Variants in ACYP2 observed in about 807,000 individuals in gnomAD.
ACYP2 encodes acylphosphatase-2.
ACYP2 carries 12 observed loss-of-function variants against 11.2 expected under a neutral mutation model. The observed-to-expected ratio is 1.08, with a 90% CI of 0.69 to 1.74. The LOEUF is 1.74. Ranked by LOEUF, ACYP2 falls within the 40% of genes most tolerant of loss-of-function variation. The pLI, the probability that ACYP2 is intolerant of heterozygous loss-of-function variation, is 0.00. For missense variants in ACYP2, 134 were observed against 101.9 expected (o/e 1.31, Z -1.35); for synonymous variants, 43 against 32.2 (o/e 1.33, Z -1.13).
intron 6 of ACYP2, among the ~76,000 whole-genome samples, chr2:54,227,420 C>T (rs1686054682): frequency 1.3e-5 from 2 of 152,078 alleles, no homozygotes; most frequent in African/African-American, 4.8e-5. Flanking sequence ...GTGGGCAGAT[C>T]ACGAGGTCAG....
At chr2:54,218,061 C>T (rs1251253920) in intron 6 of ACYP2, among the ~76,000 whole-genome samples, 2 of 152,164 alleles carry the variant, frequency 1.3e-5, no homozygotes, top group Non-Finnish European at 2.9e-5. Flanking sequence ...CTCATTCTAC[C>T]CCCATTCCCA....
intron 5 of ACYP2, among the ~76,000 whole-genome samples, chr2:54,137,506 T>C (rs1681319988): frequency 6.6e-6 from 1 of 152,128 alleles, no homozygotes. Context: ...ATAATTTAGC[T>C]CCCACTTCTA....
intron 6 of ACYP2, among the ~76,000 whole-genome samples, chr2:54,219,490 GAAT>G (rs1455142661): frequency 6.6e-6 from 1 of 152,088 alleles, no homozygotes; most frequent in African/African-American, 2.4e-5. Context: ...CTGAAAAGAG[GAAT>G]AATATGAGGG....
chr2:54,296,251 A>C (rs1689520180), intron 6 of ACYP2, among the ~76,000 whole-genome samples: 1 of 152,226 alleles, frequency 6.6e-6, no homozygotes, highest in African/African-American at 2.4e-5. Flanking sequence ...AGCTAAGTGC[A>C]TTTTAGAAGG....
At chr2:54,286,639 C>G (rs961630341) in intron 6 of ACYP2, among the ~76,000 whole-genome samples, 1 of 152,048 alleles carries the variant, frequency 6.6e-6, no homozygotes, top group Admixed American at 6.5e-5. Context: ...GATAACTTTT[C>G]TAGAATATAA....
At chr2:54,070,596 C>T (rs1489802897) in intron 4 of ACYP2, among the ~76,000 whole-genome samples, 2 of 152,220 alleles carry the variant, frequency 1.3e-5, no homozygotes, top group African/African-American at 4.8e-5. Flanking sequence ...TTGGTGATCA[C>T]TGCACCAATT....
Position 54,109,197 on chromosome 2 carries a change from A to G in ACYP2, c.278-26256A>G, listed in dbSNP as rs1433744432. On this transcript the variant is annotated intron_variant, in intron 4 of 6. Coordinates refer to ENST00000607452, the MANE Select transcript of ACYP2 (RefSeq NM_001320586.2). ...GATAAAGAAAATGTGGTATACATATATATGCACATATACCATGGAATACTA... is the reference window on the plus strand; with the variant it reads ...GATAAAGAAAATGTGGTATACATATGTATGCACATATACCATGGAATACTA... Among the ~76,000 whole-genome samples the G allele has an allele frequency of 2.0e-5, 3 of 152,350 alleles. No homozygotes were observed. The East Asian group carries it at 5.8e-4, about 29-fold the overall frequency.
chr2:54,087,415 A>G (rs1174064995), intron 4 of ACYP2, among the ~76,000 whole-genome samples: 2 of 152,050 alleles, frequency 1.3e-5, no homozygotes, highest in African/African-American at 4.8e-5. Flanking sequence ...TGGCGCCATC[A>G]TGGCTCTCTG....
chr2:54,234,337 C>T (rs1407855428), intron 6 of ACYP2, among the ~76,000 whole-genome samples: 1 of 152,210 alleles, frequency 6.6e-6, no homozygotes. Flanking sequence ...CATCACTAAT[C>T]CACTTTTGCT....
chr2:54,123,453 T>G, intron 4 of ACYP2: 1 of 398,590 alleles, frequency 2.5e-6, no homozygotes, highest in East Asian at 3.6e-5. Context: ...GCTTTCCTTT[T>G]TTTGTGTGTG....
intron 6 of ACYP2, among the ~76,000 whole-genome samples, chr2:54,184,488 A>G (rs1433946929): frequency 6.6e-6 from 1 of 152,182 alleles, no homozygotes; most frequent in Non-Finnish European, 1.5e-5. Context: ...AAATGTTTTC[A>G]TGCTTAAGCT....
At chr2:54,097,712 G>C (rs1012773022) in intron 4 of ACYP2, among the ~76,000 whole-genome samples, 1 of 151,624 alleles carries the variant, frequency 6.6e-6, no homozygotes, top group Non-Finnish European at 1.5e-5. Flanking sequence ...GGTGGTTTTG[G>C]AGCATTTTAA....
chr2:54,051,073 A>G, intron 3 of ACYP2: 1 of 517,654 alleles, frequency 1.9e-6, no homozygotes, highest in Non-Finnish European at 3.4e-6. Flanking sequence ...GTCCTTGGTC[A>G]CAAATTCCTT....
chr2:54,002,496 C>A (rs937627801), intron 2 of ACYP2, among the ~76,000 whole-genome samples: 14 of 151,806 alleles, frequency 9.2e-5, no homozygotes, highest in Admixed American at 7.9e-4. Flanking sequence ...TAAGTGCACA[C>A]CACCATGCCC....
intron 6 of ACYP2, among the ~76,000 whole-genome samples, chr2:54,176,505 C>T (rs1056971107): frequency 3.3e-5 from 5 of 152,216 alleles, no homozygotes; most frequent in African/African-American, 1.2e-4. Flanking sequence ...TCTGTTGTAA[C>T]ACCTGAATTG....
rs188535506 is a variant in ACYP2 at position 54,192,393 on chromosome 2, T to A, written c.404+53645T>A. On this transcript the variant is annotated intron_variant, in intron 6 of 6. Transcript: ENST00000607452. The stretch of plus-strand genomic sequence containing the variant: ...ACACAGTACTTATTTTTAATTTTTT[T>A]AAATTTCACATATAAAATGTTGTCA... 2.0e-3 allele frequency among the ~76,000 whole-genome samples: 297 copies of A among 151,540 alleles called. 1 individual carries two copies. Among genetic ancestry groups the A allele is most frequent in the African/African-American group, 6.9e-3 (282 of 40,896 alleles).
rs572913332 is a variant in ACYP2 at position 54,198,939 on chromosome 2, A to C, written c.404+60191A>C. On this transcript the variant is annotated intron_variant, in intron 6 of 6. Coordinates refer to ENST00000607452, the MANE Select transcript of ACYP2 (RefSeq NM_001320586.2). ...TCTCCCCTCAGCTTCCTGGTAGATA[A>C]AAGATGGGCAAGGAAAAGGAGCTCT... Among the ~76,000 whole-genome samples, 7 of 152,318 alleles carry C rather than the reference A, an allele frequency of 4.6e-5. No individual in the cohort carries two copies. In the South Asian group the frequency reaches 1.4e-3, roughly 32 times the overall value.
At chr2:54,161,034 C>A (rs1249177491) in intron 6 of ACYP2, among the ~76,000 whole-genome samples, 1 of 152,168 alleles carries the variant, frequency 6.6e-6, no homozygotes, top group Non-Finnish European at 1.5e-5. Context: ...TTGTTAGAAA[C>A]GTAAATTCTT....
At chr2:54,023,138 C>T (rs1446175661) in intron 2 of ACYP2, among the ~76,000 whole-genome samples, 1 of 152,216 alleles carries the variant, frequency 6.6e-6, no homozygotes. Flanking sequence ...TGCATAGCCT[C>T]ATAACCTTTC....
Sources: gnomAD v4.1 joint callset for allele counts (sites outside exome capture counted in the v4.1 genomes callset) on GRCh38, gnomAD v4.1.1 for gene constraint, MANE v1.5 for transcripts, NCBI Gene and HGNC (gene_info 2026-07-23, HGNC 2026-07-21) for gene names.